The following TFPI variants were observed in gnomAD, a reference collection of about 807,000 sequenced individuals.
TFPI encodes anti-convertin.
In TFPI, 15 loss-of-function variants were observed where a neutral mutation model predicts 34.6. The observed-to-expected ratio is 0.43, with a 90% CI of 0.29 to 0.67. TFPI has a LOEUF of 0.67. TFPI is among the 30% of genes least tolerant of loss of function. The probability of loss-of-function intolerance (pLI) is 0.15; values close to 1 mark genes in which losing one functional copy is unlikely to be tolerated. For synonymous variants in TFPI, 105 were observed against 120.1 expected (o/e 0.87, Z 0.82); for missense variants, 301 against 364.0 (o/e 0.83, Z 1.41).
chr2:187,466,409 T>C lies in TFPI; in HGVS notation c.*527A>G, dbSNP rs78970054. 6.6e-6 allele frequency: 1 copy of C among 152,510 alleles called. No homozygotes were observed. The highest frequency in any genetic ancestry group is 1.9e-4 in the East Asian group (1 of 5,208). 9.4% of individuals were successfully genotyped at this position (152,510 alleles called of 1,614,324 possible). On this transcript the variant is annotated 3_prime_UTR_variant, in exon 8 of 8. Transcript: ENST00000233156. ...GGTTAGTACAAAAGGAGAAAAACTA[T>C]GTCTAAGGAGGGAAGCACATAATAG...
intron 6 of TFPI, among the ~76,000 whole-genome samples, chr2:187,470,675 G>T (rs184682518): frequency 6.6e-6 from 1 of 152,318 alleles, no homozygotes; most frequent in East Asian, 1.9e-4. Flanking sequence ...AGAGGAGAAA[G>T]TTCCCCATAA....
At chr2:187,535,518 T>C (rs1379334125) in intron 1 of TFPI, among the ~76,000 whole-genome samples, 1 of 152,020 alleles carries the variant, frequency 6.6e-6, no homozygotes, top group East Asian at 1.9e-4. Context: ...CAGAAATAAA[T>C]AAGTTATTTG....
At chr2:187,531,377 C>T (rs891863589) in intron 1 of TFPI, among the ~76,000 whole-genome samples, 5 of 151,990 alleles carry the variant, frequency 3.3e-5, no homozygotes, top group Non-Finnish European at 5.9e-5. Context: ...GAATTCAGTC[C>T]GACAATGAAT....
intron 1 of TFPI, among the ~76,000 whole-genome samples, chr2:187,524,989 CTCTT>C (rs1687603949): frequency 1.3e-5 from 2 of 151,792 alleles, no homozygotes; most frequent in South Asian, 4.1e-4. Context: ...TGCTATTTTA[CTCTT>C]TCTTTATAAT....
In TFPI at chr2:187,484,111, A is replaced by G. The variant is rs376807166; in HGVS notation, c.628+13T>C. 2.4e-5 allele frequency: 39 copies of G among 1,609,084 alleles called. No homozygotes were observed. Among genetic ancestry groups the G allele is most frequent in the Non-Finnish European group, 3.0e-5 (35 of 1,176,146 alleles). On this transcript the variant is annotated intron_variant, in intron 6 of 7. Transcript: ENST00000233156. The stretch of plus-strand genomic sequence containing the variant: ...TAGTTTCCTGGAAGCAATAAAATCC[A>G]CAAGATTCTTACCAAAAAGGCTGGG...
At chr2:187,546,929 A>G (rs1688899145) in intron 1 of TFPI, 1 of 152,256 alleles carries the variant, frequency 6.6e-6, no homozygotes, top group African/African-American at 2.4e-5. Flanking sequence ...TTGCAAATAC[A>G]TGGAAAGACG....
In TFPI at chr2:187,477,753, C is replaced by T. The variant is rs1050781894; in HGVS notation, c.628+6371G>A. 4.6e-5 allele frequency among the ~76,000 whole-genome samples: 7 copies of T among 152,224 alleles called. No individual in the cohort carries two copies. The East Asian group carries it at 1.4e-3, about 29-fold the overall frequency. The stretch of plus-strand genomic sequence containing the variant: ...ACCTGTTTCAGAAGGCTAGTGATAA[C>T]AAAAATCTTTTAAAAATGTATTTAT... On this transcript the variant is annotated intron_variant, in intron 6 of 7. Transcript: ENST00000233156.
chr2:187,532,172 G>A (rs547491645), intron 1 of TFPI, among the ~76,000 whole-genome samples: 1 of 152,332 alleles, frequency 6.6e-6, no homozygotes, highest in South Asian at 2.1e-4. Flanking sequence ...GTATAAGTGT[G>A]TGTATATGTG....
intron 6 of TFPI, among the ~76,000 whole-genome samples, chr2:187,476,268 A>G (rs1692371591): frequency 6.6e-6 from 1 of 152,102 alleles, no homozygotes; most frequent in South Asian, 2.1e-4. Context: ...TTTTGATTAG[A>G]TATAATCAAA....
rs8176461 is a variant in TFPI at position 187,494,597 on chromosome 2, G to A, written c.319+2284C>T. Reference sequence around the variant, plus strand: ...AAGTCTTGTTCTATTTATCCATCATGGCTGCCGATTAAATTCTCTCCTTAG... The same window carrying A: ...AAGTCTTGTTCTATTTATCCATCATAGCTGCCGATTAAATTCTCTCCTTAG... On this transcript the variant is annotated intron_variant, in intron 3 of 7. Transcript: ENST00000233156. Among the ~76,000 whole-genome samples the A allele has an allele frequency of 4.1e-3, 622 of 152,268 alleles. 11 individuals carry two copies. The East Asian group carries it at 0.048, about 12-fold the overall frequency.
intron 6 of TFPI, among the ~76,000 whole-genome samples, chr2:187,472,602 A>G (rs1692109702): frequency 1.3e-5 from 2 of 152,242 alleles, no homozygotes; most frequent in Non-Finnish European, 2.9e-5. Context: ...GAAGAGTACT[A>G]TGTGGGACAA....
At chr2:187,491,754 T>A (rs1339458098) in intron 3 of TFPI, among the ~76,000 whole-genome samples, 16 of 152,098 alleles carry the variant, frequency 1.1e-4, no homozygotes, top group Admixed American at 3.3e-4. Context: ...GTAGTTCTAT[T>A]TTTTAGGTCT....
chr2:187,497,406 T>C (rs1685558847), intron 2 of TFPI, among the ~76,000 whole-genome samples: 1 of 152,004 alleles, frequency 6.6e-6, no homozygotes, highest in Non-Finnish European at 1.5e-5. Flanking sequence ...GGACAGTTCT[T>C]TGAATTTCTC....
intron 1 of TFPI, among the ~76,000 whole-genome samples, chr2:187,530,853 A>G (rs1687923680): frequency 6.6e-6 from 1 of 152,190 alleles, no homozygotes; most frequent in Non-Finnish European, 1.5e-5. Context: ...TTTTTACAGA[A>G]AGTAAAAGGT....
chr2:187,474,089 A>G (rs1692218131), intron 6 of TFPI, among the ~76,000 whole-genome samples: 1 of 152,172 alleles, frequency 6.6e-6, no homozygotes. Context: ...AAAGAAAGCC[A>G]TGGTAAAATT....
At chr2:187,473,049 T>A (rs934470601) in intron 6 of TFPI, among the ~76,000 whole-genome samples, 1 of 152,100 alleles carries the variant, frequency 6.6e-6, no homozygotes. Context: ...TACACTGTTA[T>A]ACACTATCAG....
intron 3 of TFPI, among the ~76,000 whole-genome samples, chr2:187,490,812 G>T (rs1685072515): frequency 6.6e-6 from 1 of 151,154 alleles, no homozygotes; most frequent in African/African-American, 2.4e-5. Context: ...CTCTGTTCAT[G>T]TCTTCTTTAG....
chr2:187,529,942 T>G (rs1395993420), intron 1 of TFPI, among the ~76,000 whole-genome samples: 1 of 152,198 alleles, frequency 6.6e-6, no homozygotes, highest in Non-Finnish European at 1.5e-5. Flanking sequence ...ACTTCTTATG[T>G]TGTACATTTT....
chr2:187,517,762 T>C (rs1004601403), intron 1 of TFPI: 1 of 152,206 alleles, frequency 6.6e-6, no homozygotes, highest in African/African-American at 2.4e-5. Context: ...CCTACTATTA[T>C]TGTGTCAGAG....
Sources: allele counts gnomAD v4.1 joint callset (sites outside exome capture counted in the v4.1 genomes callset), GRCh38; gene constraint gnomAD v4.1.1; transcripts MANE v1.5; gene names NCBI Gene and HGNC (gene_info 2026-07-23, HGNC 2026-07-21).